Variants in ZC4H2 observed in about 807,000 individuals in gnomAD.
The protein encoded by ZC4H2 is zinc finger C4H2 domain-containing protein.
For missense variants in ZC4H2, 137 were observed against 173.9 expected, an observed-to-expected ratio of 0.79 and a Z score of 1.19; for synonymous variants, 84 against 66.3, an observed-to-expected ratio of 1.27 and a Z score of -1.30.
chrX:65,017,283 C>T (rs1323328255), intron 1 of ZC4H2, among the ~76,000 whole-genome samples: 2 of 111,872 alleles, frequency 1.8e-5, no homozygotes, highest in Non-Finnish European at 3.8e-5. Context: ...TGTTTATCCT[C>T]CTAGGACCAA....
At chrX:64,985,627 G>A (rs1932169488) in intron 1 of ZC4H2, among the ~76,000 whole-genome samples, 1 of 111,497 alleles carries the variant, frequency 9.0e-6, no homozygotes, top group Admixed American at 9.5e-5. Context: ...TGTGCGCTGT[G>A]TTATAATGGA....
In ZC4H2 at chrX:64,965,919, C is replaced by T. The variant is rs183608896; in HGVS notation, c.53+10406G>A. On this transcript the variant is annotated intron_variant, in intron 1 of 4. Coordinates refer to ENST00000374839, the MANE Select transcript of ZC4H2 (RefSeq NM_018684.4). ...CACTGCTGAACTCCAGCTTGGGTGG[C>T]GGAGTGATATCCTGTTTCAAACAAA... Among the ~76,000 whole-genome samples the T allele has an allele frequency of 6.6e-3, 504 of 76,458 alleles. 2 individuals carry two copies. Among genetic ancestry groups the T allele is most frequent in the Non-Finnish European group, 0.01 (440 of 43,148 alleles). 66.4% of individuals were successfully genotyped at this position (76,458 alleles called of 115,157 possible).
intron 1 of ZC4H2, among the ~76,000 whole-genome samples, chrX:65,021,059 T>A (rs1220585467): frequency 1.8e-5 from 2 of 110,347 alleles, no homozygotes; most frequent in African/African-American, 6.7e-5. Flanking sequence ...AGACTTAGAT[T>A]CCCACACAAT....
At chrX:64,955,675 T>A (rs749666859) in intron 1 of ZC4H2, among the ~76,000 whole-genome samples, 22 of 112,040 alleles carry the variant, frequency 2.0e-4, no homozygotes, top group African/African-American at 7.1e-4. Flanking sequence ...TCTAGCATCA[T>A]GAGATTCTTG....
intron 1 of ZC4H2, among the ~76,000 whole-genome samples, chrX:64,986,945 T>TGAGACG (rs1932199226): frequency 1.0e-5 from 1 of 98,238 alleles, no homozygotes; most frequent in Non-Finnish European, 2.0e-5. Context: ...TTTTTTTTTA[T>TGAGACG]GAGACGGAGT....
intron 1 of ZC4H2, among the ~76,000 whole-genome samples, chrX:64,928,681 CT>C (rs1449063010): frequency 3.9e-5 from 4 of 101,923 alleles, no homozygotes; most frequent in Non-Finnish European, 8.1e-5. Context: ...TCTTCTTCTT[CT>C]TCCTCCTCCT....
At chrX:64,989,125 T>C (rs1932255149) in intron 1 of ZC4H2, among the ~76,000 whole-genome samples, 1 of 112,082 alleles carries the variant, frequency 8.9e-6, no homozygotes, top group Non-Finnish European at 1.9e-5. Context: ...ACTGTAGGCT[T>C]GTAGTATAGT....
At chrX:64,928,666 CTT>C (rs1394461909) in intron 1 of ZC4H2, among the ~76,000 whole-genome samples, 1 of 103,797 alleles carries the variant, frequency 9.6e-6, no homozygotes. Flanking sequence ...TCTTCTTCTT[CTT>C]CTTCTTCTTC....
At chrX:64,951,241 T>A in intron 1 of ZC4H2, among the ~76,000 whole-genome samples, 2 of 112,400 alleles carry the variant, frequency 1.8e-5, no homozygotes, top group East Asian at 5.6e-4. Context: ...AGTCTGCTAT[T>A]GTGAATAGTG....
At chrX:64,923,873 C>T (rs1272145927) in intron 1 of ZC4H2, among the ~76,000 whole-genome samples, 1 of 110,308 alleles carries the variant, frequency 9.1e-6, no homozygotes, top group Non-Finnish European at 1.9e-5. Context: ...ATCCACTACT[C>T]TATATTGCCT....
Position 65,018,130 on chromosome X carries a change from A to C in ZC4H2, c.-272+16499T>G, listed in dbSNP as rs761270202. On this transcript the variant is annotated intron_variant, in intron 1 of 4. Transcript: ENST00000337990. ...GGAAGGAACTTAAATCAACAAGCAA[A>C]AACTAAATAACTCCATTAAAAAGTG... 3.6e-5 allele frequency among the ~76,000 whole-genome samples: 4 copies of C among 112,625 alleles called. No individual in the cohort carries two copies. In the South Asian group the frequency reaches 1.5e-3, roughly 41 times the overall value.
chrX:65,032,253 A>T (rs984695688), intron 1 of ZC4H2, among the ~76,000 whole-genome samples: 1 of 112,384 alleles, frequency 8.9e-6, no homozygotes, highest in Non-Finnish European at 1.9e-5. Context: ...TTCTCTATAC[A>T]CTGATAAAAA....
At chrX:64,997,518 C>A (rs1043290029) in intron 1 of ZC4H2, among the ~76,000 whole-genome samples, 2 of 112,488 alleles carry the variant, frequency 1.8e-5, no homozygotes, top group Non-Finnish European at 3.8e-5. Flanking sequence ...GAGACAAACT[C>A]GTAAAAAGAA....
chrX:65,031,447 G>C (rs753657017), intron 1 of ZC4H2, among the ~76,000 whole-genome samples: 9 of 110,569 alleles, frequency 8.1e-5, no homozygotes, highest in Admixed American at 4.8e-4. Context: ...TGATTTACTA[G>C]GTGCATCTAC....
At chrX:65,002,448 G>A (rs760679239) in intron 1 of ZC4H2, among the ~76,000 whole-genome samples, 11 of 108,290 alleles carry the variant, frequency 1.0e-4, no homozygotes, top group Non-Finnish European at 1.3e-4. Flanking sequence ...GGTGGGGGGC[G>A]CCTCCGCCCA....
chrX:64,920,213 T>C lies in ZC4H2; in HGVS notation c.266A>G (p.Lys89Arg), dbSNP rs1421462469. 3 of 1,211,368 alleles carry C rather than the reference T, an allele frequency of 2.5e-6. No individual in the cohort carries two copies. In the Admixed American group the frequency reaches 6.5e-5, roughly 26 times the overall value. Residue 89 changes from lysine to arginine, a missense_variant, in exon 3 of 5, where the codon AAG becomes AGG. By Grantham distance (26) the Lys-to-Arg change is conservative. Transcript: ENST00000374839. ...TIKQSENDLN[K>R]LLESTRRLHD... ...CAGCCTCCTTGTAGACTCTAGCAGC[T>C]TGTTTAGGTCATTCTCAGATTGTTT... is the stretch of plus-strand genomic sequence containing the variant.
At chrX:64,976,477 T>A (rs1255074213), upstream of ZC4H2, 3 of 945,346 alleles carry the variant, frequency 3.2e-6, no homozygotes, top group Non-Finnish European at 4.5e-6. Context: ...CTTGGGGCTA[T>A]GAGCCTGTGC....
upstream of ZC4H2, among the ~76,000 whole-genome samples, chrX:64,978,731 G>A (rs1340451844): frequency 1.8e-5 from 2 of 110,086 alleles, no homozygotes; most frequent in Non-Finnish European, 3.8e-5. Context: ...AAGAGAGTGT[G>A]TCTGGAAAAA....
At chrX:64,936,585 C>T (rs1930022038) in intron 1 of ZC4H2, among the ~76,000 whole-genome samples, 1 of 111,908 alleles carries the variant, frequency 8.9e-6, no homozygotes, top group East Asian at 2.8e-4. Context: ...TCTGCAGAAA[C>T]CCTAGAAGCC....
Sources: gnomAD v4.1 joint callset for allele counts (sites outside exome capture counted in the v4.1 genomes callset) on GRCh38, gnomAD v4.1.1 for gene constraint, MANE v1.5 for transcripts, NCBI Gene and HGNC (gene_info 2026-07-23, HGNC 2026-07-21) for gene names.